RAPGEF4: variants seen among roughly 807,000 people sequenced by gnomAD.
The protein encoded by RAPGEF4 is Rap guanine nucleotide exchange factor 4.
In RAPGEF4, 66 loss-of-function variants were observed where a neutral mutation model predicts 147.9. The ratio of observed to expected loss-of-function variants is 0.45; its 90% CI spans 0.37 to 0.55. RAPGEF4 has a LOEUF of 0.55. Ranked by LOEUF, RAPGEF4 falls within the 20% of genes least tolerant of loss-of-function variation. The probability of loss-of-function intolerance (pLI) is 0.00; values close to 1 mark genes in which losing one functional copy is unlikely to be tolerated. For synonymous variants in RAPGEF4, 419 were observed against 442.7 expected (o/e 0.95, Z 0.67); for missense variants, 1,071 against 1,257.3 (o/e 0.85, Z 2.24).
chr2:172,775,537 A>G (rs1329289958), intron 1 of RAPGEF4, among the ~76,000 whole-genome samples: 1 of 152,216 alleles, frequency 6.6e-6, no homozygotes, highest in Admixed American at 6.5e-5. Flanking sequence ...GCAGTGAGGC[A>G]TATTGGAAAT....
intron 1 of RAPGEF4, among the ~76,000 whole-genome samples, chr2:172,746,558 G>A (rs189754445): frequency 6.6e-6 from 1 of 152,050 alleles, no homozygotes; most frequent in African/African-American, 2.4e-5. Flanking sequence ...GAATAAAATT[G>A]ATTGTACAAT....
intron 4 of RAPGEF4, among the ~76,000 whole-genome samples, chr2:172,875,911 T>C (rs1034342217): frequency 6.6e-6 from 1 of 152,168 alleles, no homozygotes; most frequent in African/African-American, 2.4e-5. Flanking sequence ...TGTATCCTCT[T>C]TATTTTCCTT....
intron 1 of RAPGEF4, among the ~76,000 whole-genome samples, chr2:172,760,994 C>A (rs1426223244): frequency 2.0e-5 from 3 of 150,770 alleles, no homozygotes; most frequent in Admixed American, 6.6e-5. Flanking sequence ...TACTTAAAAG[C>A]AGCAAGAGAG....
At chr2:172,928,434 G>A (rs1685591518) in intron 6 of RAPGEF4, 1 of 296,132 alleles carries the variant, frequency 3.4e-6, no homozygotes, top group Non-Finnish European at 6.7e-6. Flanking sequence ...CTAGAACTCT[G>A]ATCCTTCTGT....
chr2:172,954,650 C>CATTGATGATAACTATTACAAGAATATACT (rs1265170125), intron 6 of RAPGEF4, among the ~76,000 whole-genome samples: 17 of 152,268 alleles, frequency 1.1e-4, no homozygotes, highest in Admixed American at 3.3e-4. Flanking sequence ...AGAGTGATGA[C>CATTGATGATAACTATTACAAGAATATACT]ATTGATGATA....
At chr2:172,816,157 A>G (rs1025733879) in intron 4 of RAPGEF4, among the ~76,000 whole-genome samples, 5 of 152,120 alleles carry the variant, frequency 3.3e-5, no homozygotes, top group African/African-American at 1.2e-4. Flanking sequence ...CTATATTTCA[A>G]ATGTCCTTAA....
chr2:172,955,514 C>T (rs545510961), intron 6 of RAPGEF4, among the ~76,000 whole-genome samples: 3 of 152,270 alleles, frequency 2.0e-5, no homozygotes, highest in East Asian at 3.9e-4. Context: ...CCCCCTGCCT[C>T]GCGGTTTTAG....
chr2:172,856,546 T>C (rs1042169106), intron 4 of RAPGEF4, among the ~76,000 whole-genome samples: 1 of 152,220 alleles, frequency 6.6e-6, no homozygotes, highest in Non-Finnish European at 1.5e-5. Context: ...TACTGTCATA[T>C]GCCTTTAAAG....
chr2:172,810,586 A>G (rs879410778), intron 3 of RAPGEF4, among the ~76,000 whole-genome samples: 1 of 152,232 alleles, frequency 6.6e-6, no homozygotes, highest in African/African-American at 2.4e-5. Flanking sequence ...AAAAAGCCAG[A>G]TGGCGTGTCG....
intron 1 of RAPGEF4, chr2:172,744,209 C>A: frequency 3.6e-6 from 1 of 278,702 alleles, no homozygotes; most frequent in Non-Finnish European, 7.1e-6. Flanking sequence ...TATTTCAGGG[C>A]CTTAGCATCT....
intron 17 of RAPGEF4, among the ~76,000 whole-genome samples, chr2:173,002,972 G>C (rs1336698522): frequency 6.6e-6 from 1 of 152,236 alleles, no homozygotes; most frequent in East Asian, 1.9e-4. Context: ...ATAGACCTTT[G>C]AGATTTGCTG....
At chr2:173,048,789 A>C in intron 30 of RAPGEF4, 135 bp downstream of exon 30, 1 of 1,476,350 alleles carries the variant, frequency 6.8e-7, no homozygotes. Flanking sequence ...GAATTCCATG[A>C]GATAGGGGCC....
intron 3 of RAPGEF4, among the ~76,000 whole-genome samples, chr2:172,809,328 C>A (rs1265576306): frequency 6.6e-6 from 1 of 152,030 alleles, no homozygotes; most frequent in African/African-American, 2.4e-5. Context: ...GAAGTCTGGC[C>A]ACAGAAGGAC....
chr2:172,916,354 C>G (rs1438887513), intron 4 of RAPGEF4, among the ~76,000 whole-genome samples: 1 of 152,162 alleles, frequency 6.6e-6, no homozygotes, highest in Non-Finnish European at 1.5e-5. Context: ...TAATGGTAAT[C>G]AGGAGTCACA....
At chr2:172,945,749 C>T (rs1687617618) in intron 6 of RAPGEF4, among the ~76,000 whole-genome samples, 1 of 152,040 alleles carries the variant, frequency 6.6e-6, no homozygotes, top group Admixed American at 6.6e-5. Context: ...TTGTGTTTTT[C>T]TGTTGGACAT....
At chr2:172,814,645 G>A (rs1482783840) in intron 4 of RAPGEF4, 3 of 552,512 alleles carry the variant, frequency 5.4e-6, no homozygotes, top group Admixed American at 6.0e-5. Context: ...TCAATTTTCT[G>A]TAGTTTGACA....
intron 6 of RAPGEF4, among the ~76,000 whole-genome samples, chr2:172,947,332 T>C (rs371801797): frequency 3.3e-5 from 5 of 152,342 alleles, no homozygotes; most frequent in African/African-American, 9.6e-5. Flanking sequence ...TGATTTTTCC[T>C]GTGTTTACAT....
chr2:172,983,985 C>T, intron 11 of RAPGEF4, among the ~76,000 whole-genome samples: 1 of 152,150 alleles, frequency 6.6e-6, no homozygotes, highest in East Asian at 1.9e-4. Context: ...CTTATGGGGC[C>T]AACTCCACCA....
At chr2:173,004,804 T>C (rs1052567287) in intron 17 of RAPGEF4, among the ~76,000 whole-genome samples, 3 of 152,038 alleles carry the variant, frequency 2.0e-5, no homozygotes, top group Non-Finnish European at 2.9e-5. Flanking sequence ...GTTCATAAGA[T>C]TTTATATAAA....
Sources: gnomAD v4.1 joint callset for allele counts (sites outside exome capture counted in the v4.1 genomes callset) on GRCh38, gnomAD v4.1.1 for gene constraint, MANE v1.5 for transcripts, NCBI Gene and HGNC (gene_info 2026-07-23, HGNC 2026-07-21) for gene names.